Variants in FAM120A observed in about 807,000 individuals in gnomAD.
FAM120A encodes the protein family with sequence similarity 120 member A.
In FAM120A, 15 loss-of-function variants were observed where a neutral mutation model predicts 109.7. The observed-to-expected ratio is 0.14, with a 90% CI of 0.09 to 0.21. The LOEUF (loss-of-function observed/expected upper bound fraction) is 0.21, where lower values mean the gene tolerates loss of function less well. FAM120A is among the 10% of genes least tolerant of loss of function. The pLI, the probability that FAM120A is intolerant of heterozygous loss-of-function variation, is 1.00. For synonymous variants in FAM120A, 493 were observed against 572.8 expected (o/e 0.86, Z 1.99); for missense variants, 899 against 1,439.3 (o/e 0.62, Z 6.07).
intron 3 of FAM120A, among the ~76,000 whole-genome samples, chr9:93,488,446 C>T (rs1348224066): frequency 6.6e-6 from 1 of 151,888 alleles, no homozygotes; most frequent in African/African-American, 2.4e-5. Context: ...TTTTTTTCCT[C>T]CTCGCCTCTG....
At chr9:93,474,438 A>G (rs1437090223) in intron 2 of FAM120A, among the ~76,000 whole-genome samples, 1 of 152,172 alleles carries the variant, frequency 6.6e-6, no homozygotes, top group Non-Finnish European at 1.5e-5. Context: ...TGTAATGGAA[A>G]GTATAGCTAT....
intron 10 of FAM120A, among the ~76,000 whole-genome samples, chr9:93,542,272 G>A (rs1209399751): frequency 6.6e-6 from 1 of 152,186 alleles, no homozygotes; most frequent in Non-Finnish European, 1.5e-5. Context: ...TGGTTCTGGT[G>A]TTTATTCAAC....
intron 3 of FAM120A, among the ~76,000 whole-genome samples, chr9:93,495,510 A>G (rs1377225604): frequency 1.3e-5 from 2 of 152,216 alleles, no homozygotes; most frequent in Non-Finnish European, 2.9e-5. Context: ...CTGGAGGGGA[A>G]TGATAGAGAA....
At chr9:93,473,234 C>T (rs1441910803) in intron 2 of FAM120A, among the ~76,000 whole-genome samples, 1 of 152,066 alleles carries the variant, frequency 6.6e-6, no homozygotes, top group Non-Finnish European at 1.5e-5. Context: ...CCAGGCTGGT[C>T]TTGAACTCCT....
chr9:93,478,576 A>C (rs990016114), intron 3 of FAM120A, among the ~76,000 whole-genome samples: 2 of 152,126 alleles, frequency 1.3e-5, no homozygotes, highest in African/African-American at 4.8e-5. Context: ...TCCAGGGTTC[A>C]AGTGATTCTC....
intron 3 of FAM120A, among the ~76,000 whole-genome samples, chr9:93,495,513 A>G (rs1323450241): frequency 1.3e-5 from 2 of 152,228 alleles, no homozygotes; most frequent in Admixed American, 1.3e-4. Context: ...GAGGGGAATG[A>G]TAGAGAAGTC....
chr9:93,456,862 A>C (rs1055586507), intron 1 of FAM120A, among the ~76,000 whole-genome samples: 2 of 152,214 alleles, frequency 1.3e-5, no homozygotes, highest in African/African-American at 4.8e-5. Flanking sequence ...AAAAATGTCC[A>C]TCAGTAGATC....
At chr9:93,484,063 T>C (rs1858932224) in intron 3 of FAM120A, among the ~76,000 whole-genome samples, 1 of 151,290 alleles carries the variant, frequency 6.6e-6, no homozygotes, top group African/African-American at 2.4e-5. Context: ...AGAGACAGGG[T>C]CTTGCTCTGT....
At chr9:93,533,960 C>T (rs900506846) in intron 10 of FAM120A, among the ~76,000 whole-genome samples, 1 of 152,256 alleles carries the variant, frequency 6.6e-6, no homozygotes. Flanking sequence ...GGCTTTGTGG[C>T]TTCTGTGCTG....
In FAM120A at chr9:93,565,578, C is replaced by T. The variant is rs1170453809; in HGVS notation, c.*1038C>T. ...CCCCCCAAAAATTATCTAGCCGTTT[C>T]GAATATCAACATTACCCTGGTGTAT... On this transcript the variant is annotated 3_prime_UTR_variant, in exon 18 of 18. Coordinates refer to ENST00000277165, the MANE Select transcript of FAM120A (RefSeq NM_014612.5). 6.6e-6 allele frequency: 1 copy of T among 152,028 alleles called. No individual in the cohort carries two copies. 9.4% of individuals were successfully genotyped at this position (152,028 alleles called of 1,614,324 possible).
chr9:93,498,681 A>G lies in FAM120A; in HGVS notation c.934-109A>G. ...TTAATGTCATTCAAAATTCTTCTCT[A>G]ACTTGAAAAGCTGTAGAATATTATA... is the stretch of plus-strand genomic sequence containing the variant. On this transcript the variant is annotated intron_variant, in intron 4 of 17. Coordinates refer to ENST00000277165, the MANE Select transcript of FAM120A (RefSeq NM_014612.5). This position sits in a 1 kb window ranked among gnomAD's most constrained non-coding sequence, Gnocchi z 4.4. 1.3e-6 allele frequency: 1 copy of G among 746,526 alleles called. No individual in the cohort carries two copies. Among genetic ancestry groups the G allele is most frequent in the Non-Finnish European group, 2.4e-6 (1 of 419,750 alleles). 46.2% of individuals were successfully genotyped at this position (746,526 alleles called of 1,614,324 possible).
At chr9:93,540,960 C>T (rs1198069206) in intron 10 of FAM120A, among the ~76,000 whole-genome samples, 3 of 151,910 alleles carry the variant, frequency 2.0e-5, no homozygotes, top group African/African-American at 7.3e-5. Flanking sequence ...AGTTAAAGGC[C>T]AATTTAGTAA....
At chr9:93,536,481 A>C (rs1454224516) in intron 10 of FAM120A, among the ~76,000 whole-genome samples, 1 of 152,234 alleles carries the variant, frequency 6.6e-6, no homozygotes, top group Non-Finnish European at 1.5e-5. Flanking sequence ...TGTAACAATA[A>C]AGAATGTCCC....
chr9:93,502,571 C>T (rs1476118159), intron 5 of FAM120A, among the ~76,000 whole-genome samples: 1 of 148,674 alleles, frequency 6.7e-6, no homozygotes, highest in Non-Finnish European at 1.5e-5. Context: ...CACATACACA[C>T]ACACACACAC....
chr9:93,551,643 C>T (rs1434723236), intron 12 of FAM120A, among the ~76,000 whole-genome samples: 1 of 152,108 alleles, frequency 6.6e-6, no homozygotes, highest in Non-Finnish European at 1.5e-5. Flanking sequence ...ATTTTAGGCT[C>T]ACTTAATAGA....
chr9:93,470,559 G>A (rs897554319), intron 1 of FAM120A, among the ~76,000 whole-genome samples: 4 of 152,194 alleles, frequency 2.6e-5, no homozygotes, highest in East Asian at 1.9e-4. Context: ...TAAGCCTGTG[G>A]CAGTTACATT....
chr9:93,473,218 T>C (rs527679902), intron 2 of FAM120A, among the ~76,000 whole-genome samples: 2 of 152,198 alleles, frequency 1.3e-5, no homozygotes, highest in South Asian at 4.1e-4. Context: ...GGTTTCACCA[T>C]GTTGGCCAGG....
At chr9:93,472,137 A>G (rs557287659) in intron 2 of FAM120A, among the ~76,000 whole-genome samples, 50 of 152,118 alleles carry the variant, frequency 3.3e-4, no homozygotes, top group African/African-American at 1.1e-3. Flanking sequence ...GTGGGCGCCT[A>G]TAATCCTAGC....
chr9:93,488,652 T>C (rs1859177503), intron 3 of FAM120A, among the ~76,000 whole-genome samples: 1 of 152,126 alleles, frequency 6.6e-6, no homozygotes, highest in Admixed American at 6.6e-5. Context: ...CTTCATTTTC[T>C]CTAAATTGGC....
Sources: gnomAD v4.1 joint callset for allele counts (sites outside exome capture counted in the v4.1 genomes callset) on GRCh38, gnomAD v4.1.1 for gene constraint, Gnocchi (gnomAD v3.1) non-coding constraint, MANE v1.5 for transcripts, NCBI Gene and HGNC (gene_info 2026-07-23, HGNC 2026-07-21) for gene names.